The following CRYBA2 variants were observed in gnomAD, a reference collection of about 807,000 sequenced individuals.
The protein encoded by CRYBA2 is beta-crystallin A2.
CRYBA2 carries 17 observed loss-of-function variants against 18.5 expected under a neutral mutation model. The observed-to-expected ratio is 0.92, with a 90% CI of 0.63 to 1.38. The LOEUF (loss-of-function observed/expected upper bound fraction) is 1.38, where lower values mean the gene tolerates loss of function less well. Ranked by LOEUF, CRYBA2 falls within the 40% of genes most tolerant of loss-of-function variation. The pLI, the probability that CRYBA2 is intolerant of heterozygous loss-of-function variation, is 0.00. For synonymous variants in CRYBA2, 101 were observed against 106.2 expected (o/e 0.95, Z 0.30); for missense variants, 271 against 265.0 (o/e 1.02, Z -0.16).
Position 218,990,232 on chromosome 2 carries a change from G to A in CRYBA2, c.*20C>T. On this transcript the variant is annotated 3_prime_UTR_variant, in exon 4 of 4. Transcript: ENST00000295728. ...ACCTTTATTGAGTGTCCTCAGGGAA[G>A]GTGTCTGGGGCCGTGGAGCCTAGTG... is the stretch of plus-strand genomic sequence containing the variant. 6.2e-7 allele frequency: 1 copy of A among 1,613,878 alleles called. No individual in the cohort carries two copies. The highest frequency in any genetic ancestry group is 8.5e-7 in the Non-Finnish European group (1 of 1,179,810).
At chr2:218,991,251 T>C in intron 2 of CRYBA2, 1 of 458,030 alleles carries the variant, frequency 2.2e-6, no homozygotes, top group East Asian at 3.8e-5. Flanking sequence ...CAGAGACCCT[T>C]TCAGGTCAGG....
rs1262703735 is a variant in CRYBA2 at position 218,993,226 on chromosome 2, C to A, written c.-50G>T. Reference sequence around the variant, plus strand: ...ACCACGCGCTCAGCGTCTCAAGAGCCCCGTTTCGAGCCACACACAGCCTGC... The same window carrying A: ...ACCACGCGCTCAGCGTCTCAAGAGCACCGTTTCGAGCCACACACAGCCTGC... On this transcript the variant is annotated 5_prime_UTR_variant, in exon 1 of 4. Coordinates refer to ENST00000295728, the MANE Select transcript of CRYBA2 (RefSeq NM_057093.2). This position sits in a 1 kb window ranked among gnomAD's most constrained non-coding sequence, Gnocchi z 7.7. 6.5e-7 allele frequency: 1 copy of A among 1,534,004 alleles called. No individual in the cohort carries two copies. Among genetic ancestry groups the A allele is most frequent in the Admixed American group, 2.1e-5 (1 of 48,484 alleles).
rs566399423 is a variant in CRYBA2, at chr2:218,993,319, G to A, written c.-143C>T. 2 of 763,790 alleles carry A rather than the reference G, an allele frequency of 2.6e-6. No individual in the cohort carries two copies. The highest frequency in any genetic ancestry group is 3.9e-5 in the South Asian group (2 of 51,942). The allele number at this position is 763,790 out of a possible 1,614,324, so 47.3% of individuals were successfully genotyped here. ...CCTAGCTCTGGACCCGGCTGCCAGG[G>A]GCTCGCAGTCTTCCCGCGCTCCCCT... On this transcript the variant is annotated 5_prime_UTR_variant, in exon 1 of 4. Transcript: ENST00000295728. This position sits in a 1 kb window ranked among gnomAD's most constrained non-coding sequence, Gnocchi z 7.7.
In CRYBA2 at chr2:218,992,102, C is replaced by A; in HGVS notation, c.303G>T (p.Ala101=). Residue 101 remains alanine (A), a splice_region_variant and synonymous_variant, in exon 2 of 4, where the codon GCG becomes GCT. Transcript: ENST00000295728. ...GGGAGGAGAAGTGGGCTGTGCTCACCGCGCAGAGCACTGGCCGGAAGGACA... is the reference window on the plus strand; with the variant it reads ...GGGAGGAGAAGTGGGCTGTGCTCACAGCGCAGAGCACTGGCCGGAAGGACA... ...QLLSFRPVLC[A]NHNDSRVTLF... 6.2e-7 allele frequency: 1 copy of A among 1,611,446 alleles called. No homozygotes were observed. The highest frequency in any genetic ancestry group is 8.5e-7 in the Non-Finnish European group (1 of 1,178,922).
At chr2:218,992,393 A>G in intron 1 of CRYBA2, 150 bp from the exon 2 acceptor site, 1 of 829,338 alleles carries the variant, frequency 1.2e-6, no homozygotes. Context: ...ATGGCAATCC[A>G]GCCCCTCTCG....
intron 1 of CRYBA2, 146 bp from the exon 2 acceptor site, chr2:218,992,389 A>G: frequency 1.2e-6 from 1 of 826,154 alleles, no homozygotes; most frequent in Non-Finnish European, 1.8e-6. Flanking sequence ...TTGTATGGCA[A>G]TCCAGCCCCT....
At chr2:218,992,899 T>C (rs1945514854) in intron 1 of CRYBA2, 117 bp downstream of exon 1, 13 of 746,840 alleles carry the variant, frequency 1.7e-5, no homozygotes, top group Non-Finnish European at 2.6e-5. Context: ...CTATGGGGTT[T>C]CCCATGTTGG....
chr2:218,993,007 A>ATCAC lies in CRYBA2; in HGVS notation c.161+5_161+8dup, dbSNP rs772705286. 16 of 1,594,920 alleles carry ATCAC rather than the reference A, an allele frequency of 1.0e-5. No individual in the cohort carries two copies. In the African/African-American group the frequency reaches 1.6e-4, roughly 16 times the overall value. ...AACCCAGCCCAGCCGCGGCCAGGCA[A>ATCAC]TCACTCACACGCCGTTTTCCACCTT... On this transcript the variant is annotated intron_variant, in intron 1 of 3. Coordinates refer to ENST00000295728, the MANE Select transcript of CRYBA2 (RefSeq NM_057093.2). The surrounding 1 kb of genome is among the most constrained non-coding windows in gnomAD (Gnocchi z 7.7).
intron 1 of CRYBA2, 142 bp downstream of exon 1, chr2:218,992,874 G>A: frequency 1.6e-6 from 1 of 612,054 alleles, no homozygotes; most frequent in South Asian, 2.5e-5. Context: ...CGATGGGTGG[G>A]GAATTTTGGG....
intron 3 of CRYBA2, 94 bp downstream of exon 3, chr2:218,990,758 A>T (rs937402763): frequency 3.4e-5 from 50 of 1,481,662 alleles, no homozygotes; most frequent in Non-Finnish European, 4.2e-5. Flanking sequence ...TATCTCTCTT[A>T]GCGCCCTCCC....
intron 3 of CRYBA2, 39 bp from the exon 4 acceptor site, chr2:218,990,438 G>GCCCCCCCCCCCCCCCCATCTTCTCCC: frequency 6.2e-7 from 1 of 1,606,078 alleles, no homozygotes; most frequent in South Asian, 1.1e-5. Flanking sequence ...AGTAAGCTCT[G>GCCCCCCCCCCCCCCCCATCTTCTCCC]CCCCCACCCC....
intron 2 of CRYBA2, chr2:218,991,446 A>C (rs1038097265): frequency 6.2e-6 from 1 of 160,156 alleles, no homozygotes; most frequent in African/African-American, 2.4e-5. Flanking sequence ...ACTGGGTGGC[A>C]GAATCAGAAT....
rs748433841 is a variant in CRYBA2, at chr2:218,992,112, A to G, written c.293T>C (p.Val98Ala). The G allele has an allele frequency of 1.2e-6, 2 of 1,613,086 alleles. No individual in the cohort carries two copies. The highest frequency in any genetic ancestry group is 2.2e-5 in the South Asian group (2 of 90,946). Residue 98 changes from valine to alanine, a missense_variant, in exon 2 of 4, where the codon GTG becomes GCG. Transcript: ENST00000295728. ...NSNQLLSFRP[V>A]LCANHNDSRV... ...GTGGGCTGTGCTCACCGCGCAGAGC[A>G]CTGGCCGGAAGGACAGCAGCTGGTT... is the stretch of plus-strand genomic sequence containing the variant.
At chr2:218,990,776 C>A in intron 3 of CRYBA2, 76 bp downstream of exon 3, 1 of 1,561,384 alleles carries the variant, frequency 6.4e-7, no homozygotes, top group South Asian at 1.2e-5. Flanking sequence ...CCCCACATCA[C>A]TTTTCTCCAC....
At chr2:218,992,949 C>G in intron 1 of CRYBA2, 67 bp downstream of exon 1, 3 of 1,348,072 alleles carry the variant, frequency 2.2e-6, no homozygotes, top group Non-Finnish European at 3.1e-6. Flanking sequence ...GGCTGAGGCT[C>G]TGAGCCTAGG....
At chr2:218,992,067 T>C in intron 2 of CRYBA2, 35 bp downstream of exon 2, 1 of 1,590,330 alleles carries the variant, frequency 6.3e-7, no homozygotes, top group East Asian at 2.3e-5. Flanking sequence ...GGCCTGGAGC[T>C]AGGAGGCAGG....
Position 218,993,168 on chromosome 2 carries a change from G to T in CRYBA2, c.9C>A (p.Ser3Arg). ...CGGGCGCCGGGCCCGGCGCGGGGGC[G>T]CTGCTCATGCCGCTGCGGACAGGAA... MS[S>R]APAPGPAPAS... The change falls in exon 1 of 4, where the codon AGC (serine) becomes AGA (arginine). Residue 3 changes from serine to arginine, a missense_variant. Physicochemically the swap from Ser to Arg is moderately radical, Grantham distance 110. Transcript: ENST00000295728. This position sits in a 1 kb window ranked among gnomAD's most constrained non-coding sequence, Gnocchi z 7.7. 2 of 1,600,682 alleles carry T rather than the reference G, an allele frequency of 1.2e-6. No homozygotes were observed. Among genetic ancestry groups the T allele is most frequent in the Non-Finnish European group, 8.5e-7 (1 of 1,174,852 alleles).
chr2:218,990,308 G>A lies in CRYBA2; in HGVS notation c.538C>T (p.Leu180Phe). The A allele has an allele frequency of 6.2e-7, 1 of 1,614,136 alleles. No individual in the cohort carries two copies. The highest frequency in any genetic ancestry group is 8.5e-7 in the Non-Finnish European group (1 of 1,180,020). Residue 180 changes from leucine to phenylalanine, a missense_variant, in exon 4 of 4, where the codon CTC becomes TTC. Transcript: ENST00000295728. Reference sequence around the variant, plus strand: ...TGCCCAGTGTGGGCCTGTGTGCCGAGCTCACCGTAAGTACAGAACTCTCCG... The same window carrying A: ...TGCCCAGTGTGGGCCTGTGTGCCGAACTCACCGTAAGTACAGAACTCTCCG... ...HSGEFCTYGE[L>F]GTQAHTGQLQ...
At position 218,993,040 on chromosome 2, in the gene CRYBA2, C is replaced by T. The variant is rs769980119; in HGVS notation, c.137G>A (p.Arg46His). 6.2e-7 allele frequency: 1 copy of T among 1,607,116 alleles called. No homozygotes were observed. The highest frequency in any genetic ancestry group is 8.5e-7 in the Non-Finnish European group (1 of 1,175,840). Residue 46 changes from arginine (R) to histidine (H), a missense_variant, in exon 1 of 4, where the codon CGC becomes CAC. Coordinates refer to ENST00000295728, the MANE Select transcript of CRYBA2 (RefSeq NM_057093.2). This position sits in a 1 kb window ranked among gnomAD's most constrained non-coding sequence, Gnocchi z 7.7. ...CACGCCGTTTTCCACCTTGACCGAG[C>T]GCACCCTGGGCAGGCCTCCGCGCTC... ...VCERGGLPRV[R>H]SVKVENGVWV...
Sources: allele counts gnomAD v4.1 joint callset, GRCh38; gene constraint gnomAD v4.1.1; non-coding constraint Gnocchi (gnomAD v3.1); transcripts MANE v1.5; gene names NCBI Gene and HGNC (gene_info 2026-07-23, HGNC 2026-07-21).